The following OSBPL10 variants were observed in gnomAD, a reference collection of about 807,000 sequenced individuals.
OSBPL10 encodes the protein oxysterol binding protein like 10, also known as oxysterol-binding protein-related protein 10.
OSBPL10 carries 49 observed loss-of-function variants against 81.7 expected under a neutral mutation model. The observed-to-expected ratio is 0.60, with a 90% CI of 0.48 to 0.76. The LOEUF (loss-of-function observed/expected upper bound fraction) is 0.76, where lower values mean the gene tolerates loss of function less well. OSBPL10 is among the 30% of genes least tolerant of loss of function. The pLI, the probability that OSBPL10 is intolerant of heterozygous loss-of-function variation, is 0.00. For missense variants in OSBPL10, 923 were observed against 987.8 expected, an observed-to-expected ratio of 0.93 and a Z score of 0.88; for synonymous variants, 419 against 383.6, an observed-to-expected ratio of 1.09 and a Z score of -1.08.
At chr3:31,984,289 C>G (rs1006255857), upstream of OSBPL10, among the ~76,000 whole-genome samples, 2 of 151,750 alleles carry the variant, frequency 1.3e-5, no homozygotes, top group African/African-American at 4.8e-5. Context: ...ATCCGCCCAC[C>G]TCGGCCTCCC....
chr3:31,722,536 A>T (rs1696678844), intron 6 of OSBPL10, among the ~76,000 whole-genome samples: 1 of 152,178 alleles, frequency 6.6e-6, no homozygotes, highest in Non-Finnish European at 1.5e-5. Flanking sequence ...AAGCCAGGTA[A>T]ACATAAGTGT....
In OSBPL10 at chr3:31,787,278, T is replaced by C. The variant is rs186515396; in HGVS notation, c.730-39158A>G. Among the ~76,000 whole-genome samples, 78 of 152,310 alleles carry C rather than the reference T, an allele frequency of 5.1e-4. 1 individual carries two copies. The highest frequency in any genetic ancestry group is 1.8e-3 in the African/African-American group (76 of 41,566). Reference sequence around the variant, plus strand: ...ATTGATTTAACTACAAAAGGTCTGGTCCTTTTAGTCATATATAATGGATTC... The same window carrying C: ...ATTGATTTAACTACAAAAGGTCTGGCCCTTTTAGTCATATATAATGGATTC... On this transcript the variant is annotated intron_variant, in intron 4 of 11. Transcript: ENST00000396556.
At chr3:31,925,550 C>G (rs534966466) in intron 1 of OSBPL10, among the ~76,000 whole-genome samples, 3 of 151,694 alleles carry the variant, frequency 2.0e-5, no homozygotes, top group Non-Finnish European at 4.4e-5. Flanking sequence ...CAGTGGCTCA[C>G]GCCTGTAATC....
At chr3:31,862,623 G>T (rs1701084739) in intron 3 of OSBPL10, among the ~76,000 whole-genome samples, 1 of 151,878 alleles carries the variant, frequency 6.6e-6, no homozygotes. Flanking sequence ...AAAGACAAAG[G>T]ATTTTTATAT....
At chr3:31,777,948 T>A (rs527373071) in intron 4 of OSBPL10, among the ~76,000 whole-genome samples, 11 of 152,226 alleles carry the variant, frequency 7.2e-5, no homozygotes, top group Non-Finnish European at 1.5e-4. Flanking sequence ...CTGGGAAAGG[T>A]TGCAGGGTGA....
chr3:31,955,618 C>T lies in OSBPL10; in HGVS notation c.281+25281G>A, dbSNP rs552806907. 2.6e-5 allele frequency among the ~76,000 whole-genome samples: 4 copies of T among 152,318 alleles called. No individual in the cohort carries two copies. In the South Asian group the frequency reaches 6.2e-4, roughly 24 times the overall value. ...GGTCTCCTACACTCAATCCTCTTCC[C>T]TCTTTTCTTTTTGCCACAAGGAGAA... On this transcript the variant is annotated intron_variant, in intron 1 of 11. Transcript: ENST00000396556.
chr3:31,729,711 G>A (rs961143078), intron 6 of OSBPL10, among the ~76,000 whole-genome samples: 6 of 152,256 alleles, frequency 3.9e-5, no homozygotes, highest in Middle Eastern at 3.4e-3. Context: ...GAGCCACCAC[G>A]CCCAGCCGGC....
intron 1 of OSBPL10, among the ~76,000 whole-genome samples, chr3:31,972,409 C>T (rs1423591936): frequency 6.6e-6 from 1 of 152,062 alleles, no homozygotes; most frequent in Non-Finnish European, 1.5e-5. Context: ...AAGAAAGTTT[C>T]CCGACTCTGC....
At chr3:31,798,629 A>G (rs1297966973) in intron 4 of OSBPL10, among the ~76,000 whole-genome samples, 1 of 152,198 alleles carries the variant, frequency 6.6e-6, no homozygotes, top group Non-Finnish European at 1.5e-5. Flanking sequence ...TTTTAATTAC[A>G]TATGTGGCTT....
chr3:31,688,882 C>T (rs188056612), intron 7 of OSBPL10, among the ~76,000 whole-genome samples: 9 of 152,236 alleles, frequency 5.9e-5, no homozygotes, highest in East Asian at 1.9e-4. Context: ...GACTCAAACC[C>T]GGTCTGCCCC....
At chr3:31,736,293 T>C (rs1314193598) in intron 5 of OSBPL10, among the ~76,000 whole-genome samples, 1 of 152,064 alleles carries the variant, frequency 6.6e-6, no homozygotes, top group East Asian at 1.9e-4. Context: ...TTTTATGTTA[T>C]GTGTATTTGA....
At chr3:31,847,490 A>G (rs1700662816) in intron 3 of OSBPL10, among the ~76,000 whole-genome samples, 1 of 151,984 alleles carries the variant, frequency 6.6e-6, no homozygotes, top group South Asian at 2.1e-4. Flanking sequence ...CGCCCAGCCT[A>G]TTACTTCTCT....
chr3:32,055,663 C>T (rs1020842615), intron 1 of OSBPL10, among the ~76,000 whole-genome samples: 2 of 152,158 alleles, frequency 1.3e-5, no homozygotes, highest in Non-Finnish European at 2.9e-5. Flanking sequence ...CAATTGGAGA[C>T]ATTGATTATT....
intron 4 of OSBPL10, among the ~76,000 whole-genome samples, chr3:31,815,837 A>G (rs955887425): frequency 2.6e-5 from 4 of 152,164 alleles, no homozygotes; most frequent in Non-Finnish European, 5.9e-5. Context: ...CACTCACTCA[A>G]TATCCAAAAT....
At chr3:31,662,591 T>C in intron 11 of OSBPL10, 1 of 995,076 alleles carries the variant, frequency 1.0e-6, no homozygotes. Context: ...AAATATCAAG[T>C]GAGAAAAAGG....
chr3:31,812,620 A>C (rs747478104), intron 4 of OSBPL10, among the ~76,000 whole-genome samples: 16 of 151,864 alleles, frequency 1.1e-4, no homozygotes, highest in Non-Finnish European at 2.1e-4. Context: ...TTTTTCTGTC[A>C]GTGAGAAATC....
chr3:31,860,752 T>C (rs1050168205), intron 3 of OSBPL10, among the ~76,000 whole-genome samples: 1 of 152,164 alleles, frequency 6.6e-6, no homozygotes, highest in African/African-American at 2.4e-5. Context: ...ATCGGCTCAC[T>C]GCAGCCTCCG....
At chr3:31,939,138 C>A (rs1478792217) in intron 1 of OSBPL10, among the ~76,000 whole-genome samples, 4 of 129,668 alleles carry the variant, frequency 3.1e-5, no homozygotes, top group African/African-American at 1.2e-4. Flanking sequence ...CCAAGACTCT[C>A]TCATCCTTTT....
intron 1 of OSBPL10, among the ~76,000 whole-genome samples, chr3:31,885,138 A>G (rs1695697561): frequency 2.0e-5 from 3 of 152,172 alleles, no homozygotes; most frequent in Admixed American, 2.0e-4. Flanking sequence ...ATTGTTTCCA[A>G]AAGAAGCACA....
Sources: allele counts gnomAD v4.1 joint callset (sites outside exome capture counted in the v4.1 genomes callset), GRCh38; gene constraint gnomAD v4.1.1; transcripts MANE v1.5; gene names NCBI Gene and HGNC (gene_info 2026-07-23, HGNC 2026-07-21).